Variants in SLC2A13 observed in about 807,000 individuals in gnomAD.
SLC2A13 encodes the protein proton myo-inositol cotransporter.
A neutral mutation model predicts 64.4 loss-of-function variants in SLC2A13; 32 were observed. The ratio of observed to expected loss-of-function variants is 0.50; its 90% CI spans 0.37 to 0.67. The LOEUF is 0.67. Ranked by LOEUF, SLC2A13 falls within the 30% of genes least tolerant of loss-of-function variation. The pLI is 0.00. For missense variants in SLC2A13, 743 were observed against 829.2 expected (o/e 0.90, Z 1.28); for synonymous variants, 338 against 327.1 (o/e 1.03, Z -0.36).
At chr12:40,057,787 CTTA>C (rs1220741448) in intron 1 of SLC2A13, among the ~76,000 whole-genome samples, 1 of 152,102 alleles carries the variant, frequency 6.6e-6, no homozygotes, top group Non-Finnish European at 1.5e-5. Context: ...AAAATTTCTG[CTTA>C]TTTTTTCAAC....
chr12:39,907,112 T>C (rs1467965371), intron 4 of SLC2A13, among the ~76,000 whole-genome samples: 5 of 152,280 alleles, frequency 3.3e-5, no homozygotes, highest in East Asian at 3.9e-4. Context: ...GCTTAATTAG[T>C]TGTAGTTACT....
chr12:40,086,718 G>C (rs553942704), intron 1 of SLC2A13, among the ~76,000 whole-genome samples: 1 of 152,184 alleles, frequency 6.6e-6, no homozygotes, highest in African/African-American at 2.4e-5. Flanking sequence ...AGGAAGAACT[G>C]GGCATTCATA....
chr12:39,830,114 T>C lies in SLC2A13; in HGVS notation c.1434A>G (p.Ala478=), dbSNP rs575131050. The C allele has an allele frequency of 6.2e-7, 1 of 1,613,708 alleles. No individual in the cohort carries two copies. The highest frequency in any genetic ancestry group is 2.2e-5 in the East Asian group (1 of 44,874). The part of the protein sequence containing the change: ...VPVNKASTNE[A]AWGRCENETK... ...AATGAGTGATATACCTGCCCCAGGC[T>C]GCCTCATTTGTAGATGCTTTATTAA... The change falls in exon 7 of 10, where the codon GCA becomes GCG. Residue 478 remains alanine (A), a synonymous_variant. Coordinates refer to ENST00000280871, the MANE Select transcript of SLC2A13 (RefSeq NM_052885.4).
At chr12:40,050,591 C>T (rs1446498129) in intron 1 of SLC2A13, among the ~76,000 whole-genome samples, 2 of 152,186 alleles carry the variant, frequency 1.3e-5, no homozygotes, top group Non-Finnish European at 2.9e-5. Flanking sequence ...TTTATAGGGA[C>T]TAATAATCTT....
chr12:39,767,742 T>C lies in SLC2A13; in HGVS notation c.1446-2884A>G, dbSNP rs1050601270. ...GTGGGAGAAACCCAGTGGGAGGTAA[T>C]TGAATCACGGGGGTGGTTACCCTCA... On this transcript the variant is annotated intron_variant, in intron 7 of 9. Transcript: ENST00000280871. Among the ~76,000 whole-genome samples the C allele has an allele frequency of 3.0e-4, 46 of 152,112 alleles. 1 individual carries two copies. Among genetic ancestry groups the C allele is most frequent in the Admixed American group, 2.8e-3 (43 of 15,262 alleles).
At chr12:39,968,972 C>T (rs11174533) in intron 3 of SLC2A13, among the ~76,000 whole-genome samples, 13,943 of 151,724 alleles carry the variant, frequency 0.092, 823 homozygotes, top group Admixed American at 0.15. Flanking sequence ...CAACAGGCCC[C>T]GGTGTGTGAT....
At chr12:39,768,299 A>T (rs1468489455) in intron 7 of SLC2A13, among the ~76,000 whole-genome samples, 1 of 152,104 alleles carries the variant, frequency 6.6e-6, no homozygotes, top group African/African-American at 2.4e-5. Context: ...AGACCACTCA[A>T]ACTTTCTTCA....
At chr12:39,999,848 C>T (rs376663098) in intron 3 of SLC2A13, among the ~76,000 whole-genome samples, 1 of 152,128 alleles carries the variant, frequency 6.6e-6, no homozygotes, top group Non-Finnish European at 1.5e-5. Context: ...TTCTTGTACA[C>T]CCTCCCCTTT....
At chr12:39,931,833 A>C (rs1323369206) in intron 4 of SLC2A13, among the ~76,000 whole-genome samples, 1 of 152,170 alleles carries the variant, frequency 6.6e-6, no homozygotes, top group Non-Finnish European at 1.5e-5. Flanking sequence ...AATTGTAAAT[A>C]AATATCCAAA....
chr12:39,840,366 A>C (rs920037612), intron 6 of SLC2A13, among the ~76,000 whole-genome samples: 5 of 152,008 alleles, frequency 3.3e-5, no homozygotes, highest in African/African-American at 1.2e-4. Flanking sequence ...CACTGCCTCA[A>C]ATCTAACCTG....
intron 1 of SLC2A13, among the ~76,000 whole-genome samples, chr12:40,094,573 C>G (rs1469227991): frequency 6.6e-6 from 1 of 152,026 alleles, no homozygotes; most frequent in African/African-American, 2.4e-5. Context: ...CTTGCACTGA[C>G]CAACACAGAG....
intron 4 of SLC2A13, among the ~76,000 whole-genome samples, chr12:39,904,534 T>C (rs1297030210): frequency 6.6e-6 from 1 of 152,102 alleles, no homozygotes; most frequent in East Asian, 1.9e-4. Flanking sequence ...GGACACTCTC[T>C]CTTTCATATG....
chr12:39,796,052 C>T (rs1262931926), intron 7 of SLC2A13, among the ~76,000 whole-genome samples: 1 of 152,142 alleles, frequency 6.6e-6, no homozygotes, highest in Admixed American at 6.6e-5. Context: ...TCTTCTCCCC[C>T]CAGCCTCTGG....
At chr12:39,876,817 C>A (rs1166065397) in intron 4 of SLC2A13, among the ~76,000 whole-genome samples, 5 of 152,112 alleles carry the variant, frequency 3.3e-5, no homozygotes, top group African/African-American at 9.7e-5. Context: ...CTCTTCCTGA[C>A]AAGAGCCAGT....
intron 5 of SLC2A13, 128 bp downstream of exon 5, chr12:39,871,670 T>C: frequency 1.1e-6 from 1 of 919,504 alleles, no homozygotes; most frequent in Non-Finnish European, 1.5e-6. Flanking sequence ...CTAGAAGAAC[T>C]CTAATTTTTT....
intron 6 of SLC2A13, among the ~76,000 whole-genome samples, chr12:39,833,356 T>C (rs1170544126): frequency 2.0e-5 from 3 of 152,034 alleles, no homozygotes; most frequent in African/African-American, 7.2e-5. Flanking sequence ...TTTTTTTAAA[T>C]TCCCTAACTT....
At chr12:40,064,195 T>C (rs1948472548) in intron 1 of SLC2A13, among the ~76,000 whole-genome samples, 1 of 152,102 alleles carries the variant, frequency 6.6e-6, no homozygotes, top group Non-Finnish European at 1.5e-5. Context: ...CAGTGAGCTA[T>C]AATCGCTCCA....
intron 7 of SLC2A13, among the ~76,000 whole-genome samples, chr12:39,771,595 G>T (rs1311085594): frequency 3.9e-5 from 6 of 152,168 alleles, no homozygotes; most frequent in Non-Finnish European, 8.8e-5. Context: ...GAGGCCCTAA[G>T]CAGAGGACAC....
chr12:40,007,770 T>C (rs1402446506), intron 3 of SLC2A13, among the ~76,000 whole-genome samples: 1 of 152,050 alleles, frequency 6.6e-6, no homozygotes, highest in Non-Finnish European at 1.5e-5. Context: ...GCTGTAAGAA[T>C]TAAAAGAAAA....
Sources: allele counts gnomAD v4.1 joint callset (sites outside exome capture counted in the v4.1 genomes callset), GRCh38; gene constraint gnomAD v4.1.1; transcripts MANE v1.5; gene names NCBI Gene and HGNC (gene_info 2026-07-23, HGNC 2026-07-21).